The following IRAG1 variants were observed in gnomAD, a reference collection of about 807,000 sequenced individuals.
IRAG1 encodes the protein inositol 1,4,5-triphosphate receptor associated 1.
In IRAG1, 62 loss-of-function variants were observed where a neutral mutation model predicts 106.2. That is an observed-to-expected ratio of 0.58 (90% CI 0.48 to 0.72). The LOEUF (loss-of-function observed/expected upper bound fraction) is 0.72, where lower values mean the gene tolerates loss of function less well. Among genes scored for constraint, IRAG1 ranks in the 30% least tolerant of loss-of-function variants. IRAG1 has a pLI of 0.00. For synonymous variants in IRAG1, 462 were observed against 443.9 expected, an observed-to-expected ratio of 1.04 and a Z score of -0.51; for missense variants, 1,064 against 1,140.7, an observed-to-expected ratio of 0.93 and a Z score of 0.97.
chr11:10,606,907 G>GCA, intron 11 of IRAG1, 135 bp from the exon 12 acceptor site: 1 of 718,004 alleles, frequency 1.4e-6, no homozygotes, highest in Non-Finnish European at 2.2e-6. Flanking sequence ...AAGATGCAAT[G>GCA]TCCCCTTGCC....
intron 18 of IRAG1, 97 bp from the exon 19 acceptor site, chr11:10,582,083 G>A: frequency 7.1e-7 from 1 of 1,408,998 alleles, no homozygotes; most frequent in Non-Finnish European, 9.5e-7. Flanking sequence ...TTAGGAGTGA[G>A]GAAACTCAGG....
chr11:10,581,378 G>A (rs1393538569), intron 19 of IRAG1, among the ~76,000 whole-genome samples: 1 of 152,158 alleles, frequency 6.6e-6, no homozygotes, highest in Non-Finnish European at 1.5e-5. Flanking sequence ...TCTCTCCAGT[G>A]CTGACAACTG....
intron 1 of IRAG1, among the ~76,000 whole-genome samples, chr11:10,680,894 C>T (rs1249254013): frequency 6.6e-6 from 1 of 152,030 alleles, no homozygotes; most frequent in Non-Finnish European, 1.5e-5. Context: ...ATTATGTTAC[C>T]TATAATGCAT....
At chr11:10,604,032 C>G (rs968919861) in intron 13 of IRAG1, among the ~76,000 whole-genome samples, 2 of 152,126 alleles carry the variant, frequency 1.3e-5, no homozygotes, top group South Asian at 4.1e-4. Context: ...ATGAAAGCAG[C>G]TCTGGGCCCC....
At chr11:10,604,596 G>A (rs1854320829) in intron 12 of IRAG1, 51 bp from the exon 13 acceptor site, 8 of 1,606,552 alleles carry the variant, frequency 5.0e-6, no homozygotes, top group Non-Finnish European at 6.8e-6. Flanking sequence ...TACTGCAGAG[G>A]ACAAGGCTGC....
intron 2 of IRAG1, among the ~76,000 whole-genome samples, chr11:10,635,511 C>G (rs1406472067): frequency 6.6e-6 from 1 of 152,236 alleles, no homozygotes; most frequent in East Asian, 1.9e-4. Flanking sequence ...CCACTAGCCC[C>G]ACTGGCGGTG....
intron 14 of IRAG1, among the ~76,000 whole-genome samples, chr11:10,602,459 C>A (rs1369262063): frequency 6.6e-6 from 1 of 152,172 alleles, no homozygotes; most frequent in Non-Finnish European, 1.5e-5. Context: ...AAGGTTGGAG[C>A]CAGGATTAGA....
Position 10,599,116 on chromosome 11 carries a change from G to A in IRAG1, c.2017+1802C>T, listed in dbSNP as rs187373509. On this transcript the variant is annotated intron_variant, in intron 15 of 20. Coordinates refer to ENST00000423302, the MANE Select transcript of IRAG1 (RefSeq NM_130385.4). The stretch of plus-strand genomic sequence containing the variant: ...ATCGTTGACCTTTCCTACGGTAAGC[G>A]TTTTCTCATCCTCCTAGAGTGAATG... Among the ~76,000 whole-genome samples the A allele has an allele frequency of 2.4e-4, 36 of 152,308 alleles. No homozygotes were observed. In the East Asian group the frequency reaches 6.2e-3, roughly 26 times the overall value.
chr11:10,586,855 C>T (rs895901664), intron 18 of IRAG1, among the ~76,000 whole-genome samples: 1 of 152,204 alleles, frequency 6.6e-6, no homozygotes, highest in Non-Finnish European at 1.5e-5. Flanking sequence ...TAGTGCCTGG[C>T]ATACAGTAGG....
At position 10,607,831 on chromosome 11, in the gene IRAG1, G is replaced by A. The variant is rs945368534; in HGVS notation, c.1572-1059C>T. ...GATGAGAAGACCCCATGGCCATGAA[G>A]TCAGCGGAGTCCAGAACACGGGACA... On this transcript the variant is annotated intron_variant, in intron 11 of 20. Transcript: ENST00000423302. 3.9e-5 allele frequency among the ~76,000 whole-genome samples: 6 copies of A among 152,304 alleles called. No individual in the cohort carries two copies. In the South Asian group the frequency reaches 1.2e-3, roughly 32 times the overall value.
At chr11:10,602,260 A>G (rs1854094069) in intron 14 of IRAG1, among the ~76,000 whole-genome samples, 1 of 152,222 alleles carries the variant, frequency 6.6e-6, no homozygotes, top group Non-Finnish European at 1.5e-5. Flanking sequence ...CCACCCCAGG[A>G]ACCTCCTCTC....
Position 10,634,021 on chromosome 11 carries a change from C to T in IRAG1, c.276G>A (p.Leu92=). ...VSCSPTPTIV[L]TGDATSPEGE... Reference sequence around the variant, plus strand: ...CTTCTGGTGAAGTGGCATCCCCAGTCAGGACAATCGTGGGAGTTGGACTGC... The same window carrying T: ...CTTCTGGTGAAGTGGCATCCCCAGTTAGGACAATCGTGGGAGTTGGACTGC... The change falls in exon 3 of 21, where the codon CTG becomes CTA. Residue 92 remains leucine, a synonymous_variant. Coordinates refer to ENST00000423302, the MANE Select transcript of IRAG1 (RefSeq NM_130385.4). 6.2e-7 allele frequency: 1 copy of T among 1,612,748 alleles called. No individual in the cohort carries two copies. The highest frequency in any genetic ancestry group is 1.1e-5 in the South Asian group (1 of 90,790).
chr11:10,631,937 C>CGCT, intron 4 of IRAG1, 54 bp downstream of exon 4: 2 of 1,509,900 alleles, frequency 1.3e-6, no homozygotes, highest in Non-Finnish European at 1.8e-6. Context: ...AGCCCAGCCA[C>CGCT]GCTGCCAGAC....
chr11:10,667,578 G>A (rs1409891696), intron 1 of IRAG1, among the ~76,000 whole-genome samples: 2 of 152,196 alleles, frequency 1.3e-5, no homozygotes, highest in African/African-American at 2.4e-5. Context: ...ATGTCCAGAT[G>A]AGAAAAGCTG....
chr11:10,667,732 G>A (rs1464387352), intron 1 of IRAG1, among the ~76,000 whole-genome samples: 1 of 152,150 alleles, frequency 6.6e-6, no homozygotes, highest in Non-Finnish European at 1.5e-5. Context: ...TCTGTGTGCT[G>A]ACTCCCAAGT....
chr11:10,645,347 C>T (rs1036464853), intron 2 of IRAG1, among the ~76,000 whole-genome samples: 1 of 152,144 alleles, frequency 6.6e-6, no homozygotes, highest in African/African-American at 2.4e-5. Flanking sequence ...CAGTGGAATC[C>T]GGGCCTTGCT....
At chr11:10,623,689 G>T in intron 10 of IRAG1, 89 bp downstream of exon 10, 1 of 1,195,572 alleles carries the variant, frequency 8.4e-7, no homozygotes. Flanking sequence ...GAAGACACAG[G>T]AAGTCTTGTG....
At chr11:10,591,406 G>C in intron 18 of IRAG1, 142 bp downstream of exon 18, 1 of 767,714 alleles carries the variant, frequency 1.3e-6, no homozygotes, top group Non-Finnish European at 2.1e-6. Context: ...AATCTTTGTG[G>C]GTTTCAGACT....
chr11:10,649,410 A>G (rs1226425667), intron 2 of IRAG1, among the ~76,000 whole-genome samples: 1 of 152,174 alleles, frequency 6.6e-6, no homozygotes, highest in Non-Finnish European at 1.5e-5. Context: ...GGCAGAGTCT[A>G]GGAGGCAGCA....
Sources: gnomAD v4.1 joint callset for allele counts (sites outside exome capture counted in the v4.1 genomes callset) on GRCh38, gnomAD v4.1.1 for gene constraint, MANE v1.5 for transcripts, NCBI Gene and HGNC (gene_info 2026-07-23, HGNC 2026-07-21) for gene names.